AGPAT4: variants seen among roughly 807,000 people sequenced by gnomAD.
AGPAT4 encodes the protein 1-acylglycerol-3-phosphate O-acyltransferase 4, also known as 1-acyl-sn-glycerol-3-phosphate acyltransferase delta.
A neutral mutation model predicts 48.0 loss-of-function variants in AGPAT4; 15 were observed. The ratio of observed to expected loss-of-function variants is 0.31; its 90% confidence interval spans 0.21 to 0.48. The LOEUF (loss-of-function observed/expected upper bound fraction) is 0.48, where lower values mean the gene tolerates loss of function less well. AGPAT4 is among the 20% of genes least tolerant of loss of function. AGPAT4 has a pLI of 0.99. For synonymous variants in AGPAT4, 178 were observed against 198.7 expected, an observed-to-expected ratio of 0.90 and a Z score of 0.88; for missense variants, 314 against 482.5, an observed-to-expected ratio of 0.65 and a Z score of 3.27.
chr6:161,211,589 A>T (rs12194217), intron 2 of AGPAT4, among the ~76,000 whole-genome samples: 15,475 of 152,266 alleles, frequency 0.1, 819 homozygotes, highest in Non-Finnish European at 0.12. Flanking sequence ...AAGTCCAAGC[A>T]TGTCATGAAC....
At chr6:161,230,593 C>T (rs1018846011) in intron 2 of AGPAT4, among the ~76,000 whole-genome samples, 2 of 152,232 alleles carry the variant, frequency 1.3e-5, no homozygotes, top group Non-Finnish European at 2.9e-5. Flanking sequence ...CTCCTACTGT[C>T]TCTGCCCTGT....
rs1199604136 is a variant in AGPAT4, at chr6:161,184,506, G to A, written c.179-18089C>T. On this transcript the variant is annotated intron_variant, in intron 2 of 8. Transcript: ENST00000320285. The surrounding 1 kb of genome is among the most constrained non-coding windows in gnomAD (Gnocchi z 4.8). The stretch of plus-strand genomic sequence containing the variant: ...GGGTTTGAACACATCAGTCATCCTT[G>A]GCTTAGTGGTAGGTTCTCGTGATGT... Among the ~76,000 whole-genome samples, 1 of 152,010 alleles carries A rather than the reference G, an allele frequency of 6.6e-6. No individual in the cohort carries two copies. The highest frequency in any genetic ancestry group is 6.5e-5 in the Admixed American group (1 of 15,270).
rs151094169 is a variant in AGPAT4, at chr6:161,214,763, C to T, written c.178+17273G>A. On this transcript the variant is annotated intron_variant, in intron 2 of 8. Transcript: ENST00000320285. This position sits in a 1 kb window ranked among gnomAD's most constrained non-coding sequence, Gnocchi z 5.4. The stretch of plus-strand genomic sequence containing the variant: ...TAGCCTGGGTGACAGAGGAAGACTC[C>T]GTCTCAAAATAAATAAATAAATAAA... Among the ~76,000 whole-genome samples the T allele has an allele frequency of 1.4e-3, 214 of 152,042 alleles. No individual in the cohort carries two copies. The highest frequency in any genetic ancestry group is 4.1e-3 in the African/African-American group (169 of 41,478).
At position 161,149,410 on chromosome 6, in the gene AGPAT4, T is replaced by C; in HGVS notation, c.665-121A>G. ...AACTGCTTATCTAGAAATGGTGTGG[T>C]CAGATTTCTTTCTTTCTATATGGTC... On this transcript the variant is annotated intron_variant, in intron 5 of 8. Transcript: ENST00000320285. This position sits in a 1 kb window ranked among gnomAD's most constrained non-coding sequence, Gnocchi z 6.5. 1 of 811,538 alleles carries C rather than the reference T, an allele frequency of 1.2e-6. No homozygotes were observed. Among genetic ancestry groups the C allele is most frequent in the Non-Finnish European group, 1.8e-6 (1 of 543,338 alleles). 50.3% of individuals were successfully genotyped at this position (811,538 alleles called of 1,614,324 possible). A position where few individuals can be genotyped will look rare whatever the true frequency, so the allele number is the denominator to read the frequency against.
intron 2 of AGPAT4, among the ~76,000 whole-genome samples, chr6:161,187,205 G>A (rs775869657): frequency 1.1e-4 from 17 of 152,144 alleles, no homozygotes; most frequent in African/African-American, 1.9e-4. Flanking sequence ...CCTTTTTCCC[G>A]GAACCTCTTG....
chr6:161,201,425 T>G lies in AGPAT4; in HGVS notation c.178+30611A>C, dbSNP rs1253006333. ...TGAGGTTAAAAATAGAACCTAGAAG[T>G]AAGAAAGTCATTTGTAAAAACCAGG... On this transcript the variant is annotated intron_variant, in intron 2 of 8. Coordinates refer to ENST00000320285, the MANE Select transcript of AGPAT4 (RefSeq NM_020133.3). The surrounding 1 kb of genome is among the most constrained non-coding windows in gnomAD (Gnocchi z 6.0). Among the ~76,000 whole-genome samples the G allele has an allele frequency of 1.3e-5, 2 of 152,184 alleles. No homozygotes were observed. Among genetic ancestry groups the G allele is most frequent in the Admixed American group, 1.3e-4 (2 of 15,278 alleles).
Position 161,154,016 on chromosome 6 carries a change from G to A in AGPAT4, c.510+133C>T. Reference sequence around the variant, plus strand: ...ACATACATCCCTGAGGTTATACACAGCCCTATGGTCACACACAGCCCTGGA... The same window carrying A: ...ACATACATCCCTGAGGTTATACACAACCCTATGGTCACACACAGCCCTGGA... On this transcript the variant is annotated intron_variant, in intron 4 of 8. Transcript: ENST00000320285. The surrounding 1 kb of genome is among the most constrained non-coding windows in gnomAD (Gnocchi z 7.8). 1.7e-6 allele frequency: 2 copies of A among 1,206,624 alleles called. No individual in the cohort carries two copies. The highest frequency in any genetic ancestry group is 2.6e-5 in the South Asian group (2 of 77,378). 74.7% of individuals were successfully genotyped at this position (1,206,624 alleles called of 1,614,324 possible). A position where few individuals can be genotyped will look rare whatever the true frequency, so the allele number is the denominator to read the frequency against.
Position 161,144,426 on chromosome 6 carries a change from A to G in AGPAT4, c.843+2098T>C, listed in dbSNP as rs2114956478. 6.6e-6 allele frequency among the ~76,000 whole-genome samples: 1 copy of G among 152,282 alleles called. No individual in the cohort carries two copies. Among genetic ancestry groups the G allele is most frequent in the East Asian group, 1.9e-4 (1 of 5,178 alleles). ...CTTTGAGAACCCTACCAAGTTGAAC[A>G]CTATCATTTAAATGTGAACATAGTT... On this transcript the variant is annotated intron_variant, in intron 7 of 8. Coordinates refer to ENST00000320285, the MANE Select transcript of AGPAT4 (RefSeq NM_020133.3). This position sits in a 1 kb window ranked among gnomAD's most constrained non-coding sequence, Gnocchi z 6.6.
rs959726173 is a variant in AGPAT4, at chr6:161,161,735, A to G, written c.348+4513T>C. 3.0e-5 allele frequency: 10 copies of G among 334,118 alleles called. No homozygotes were observed. The East Asian group carries it at 7.6e-4, about 25-fold the overall frequency. 20.7% of individuals were successfully genotyped at this position (334,118 alleles called of 1,614,324 possible). ...AGGCGGTGAAATAATGCTGTGTTGC[A>G]TGAACACGGTCTCCTAGAGAAACCA... On this transcript the variant is annotated intron_variant, in intron 3 of 8. Transcript: ENST00000320285. This position sits in a 1 kb window ranked among gnomAD's most constrained non-coding sequence, Gnocchi z 4.6.
At chr6:161,260,138 A>G (rs895156013) in intron 1 of AGPAT4, among the ~76,000 whole-genome samples, 2 of 152,082 alleles carry the variant, frequency 1.3e-5, no homozygotes, top group African/African-American at 4.8e-5. Context: ...AGGAAGACGG[A>G]GGGGCCATTA....
intron 2 of AGPAT4, among the ~76,000 whole-genome samples, chr6:161,213,907 A>C (rs73017403): frequency 0.038 from 5,822 of 152,272 alleles, 262 homozygotes; most frequent in East Asian, 0.22. Context: ...TCTCCAAAAA[A>C]ATTTTTTAAA....
Position 161,222,843 on chromosome 6 carries a change from G to A in AGPAT4, c.178+9193C>T, listed in dbSNP as rs1781869628. The stretch of plus-strand genomic sequence containing the variant: ...ATTTGCACGGTGGCCTCACGACACA[G>A]CAAGGCCATGATGACATTTGATAGG... On this transcript the variant is annotated intron_variant, in intron 2 of 8. Transcript: ENST00000320285. This position sits in a 1 kb window ranked among gnomAD's most constrained non-coding sequence, Gnocchi z 5.9. Among the ~76,000 whole-genome samples the A allele has an allele frequency of 6.6e-6, 1 of 152,144 alleles. No individual in the cohort carries two copies. The highest frequency in any genetic ancestry group is 1.5e-5 in the Non-Finnish European group (1 of 68,030).
chr6:161,247,981 CAAAAAAAAAAAAA>C (rs143168079), intron 1 of AGPAT4, among the ~76,000 whole-genome samples: 1 of 28,212 alleles, frequency 3.5e-5, no homozygotes, highest in South Asian at 1.5e-3. Context: ...GACTCTGTCT[CAAAAAAAAAAAAA>C]AAAAAAAAAA....
In AGPAT4 at chr6:161,144,270, C is replaced by G; in HGVS notation, c.843+2254G>C. On this transcript the variant is annotated intron_variant, in intron 7 of 8. Coordinates refer to ENST00000320285, the MANE Select transcript of AGPAT4 (RefSeq NM_020133.3). The surrounding 1 kb of genome is among the most constrained non-coding windows in gnomAD (Gnocchi z 6.6). ...AGAACTCGGTGTCGCCCCAGCCCTG[C>G]ACGGAGAGAGAAAGGGCCTGGACTC... 1 of 487,222 alleles carries G rather than the reference C, an allele frequency of 2.1e-6. No individual in the cohort carries two copies. The allele number at this position is 487,222 out of a possible 1,614,324, so 30.2% of individuals were successfully genotyped here. A position where few individuals can be genotyped will look rare whatever the true frequency, so the allele number is the denominator to read the frequency against.
rs1201375286 is a variant in AGPAT4, at chr6:161,222,793, G to A, written c.178+9243C>T. Among the ~76,000 whole-genome samples, 2 of 152,180 alleles carry A rather than the reference G, an allele frequency of 1.3e-5. No individual in the cohort carries two copies. Among genetic ancestry groups the A allele is most frequent in the African/African-American group, 4.8e-5 (2 of 41,424 alleles). On this transcript the variant is annotated intron_variant, in intron 2 of 8. Coordinates refer to ENST00000320285, the MANE Select transcript of AGPAT4 (RefSeq NM_020133.3). This position sits in a 1 kb window ranked among gnomAD's most constrained non-coding sequence, Gnocchi z 5.9. ...CCTGCCTGCTCTCCTGCAGGTGTCT[G>A]TGGATGCTTCCTCTGGCCTCATTCA...
rs986204201 is a variant in AGPAT4 at position 161,164,698 on chromosome 6, C to T, written c.348+1550G>A. On this transcript the variant is annotated intron_variant, in intron 3 of 8. Transcript: ENST00000320285. This position sits in a 1 kb window ranked among gnomAD's most constrained non-coding sequence, Gnocchi z 7.4. ...ATAATATCCTAAGGATTAGAAATTACGGAAATAAGGTGAACAGCACACGGA... is the reference window on the plus strand; with the variant it reads ...ATAATATCCTAAGGATTAGAAATTATGGAAATAAGGTGAACAGCACACGGA... 6.6e-6 allele frequency among the ~76,000 whole-genome samples: 1 copy of T among 152,098 alleles called. No homozygotes were observed. Among genetic ancestry groups the T allele is most frequent in the Non-Finnish European group, 1.5e-5 (1 of 68,024 alleles).
rs1340071535 is a variant in AGPAT4 at position 161,204,224 on chromosome 6, T to C, written c.178+27812A>G. ...TTAGTAAGTGTACATAAAAGGGATT[T>C]GTGTGTTTATTAATAATTTTGTCTA... is the stretch of plus-strand genomic sequence containing the variant. On this transcript the variant is annotated intron_variant, in intron 2 of 8. Transcript: ENST00000320285. The surrounding 1 kb of genome is among the most constrained non-coding windows in gnomAD (Gnocchi z 4.4). Among the ~76,000 whole-genome samples, 1 of 152,188 alleles carries C rather than the reference T, an allele frequency of 6.6e-6. No homozygotes were observed. Among genetic ancestry groups the C allele is most frequent in the Non-Finnish European group, 1.5e-5 (1 of 68,046 alleles).
At chr6:161,205,991 T>C (rs1426312659) in intron 2 of AGPAT4, among the ~76,000 whole-genome samples, 1 of 152,028 alleles carries the variant, frequency 6.6e-6, no homozygotes, top group Admixed American at 6.6e-5. Context: ...GCAGACCAGC[T>C]AGGGCACACC....
At position 161,131,522 on chromosome 6, in the gene AGPAT4, C is replaced by T. The variant is rs1014864411; in HGVS notation, c.*5018G>A. The T allele has an allele frequency of 2.0e-5, 3 of 152,710 alleles. No individual in the cohort carries two copies. The highest frequency in any genetic ancestry group is 6.5e-5 in the Admixed American group (1 of 15,338). 9.5% of individuals were successfully genotyped at this position (152,710 alleles called of 1,614,324 possible). On this transcript the variant is annotated 3_prime_UTR_variant, in exon 9 of 9. Transcript: ENST00000320285. ...CTAATTGAAATTCCATTACTCAGGC[C>T]TCTAGTAAGTGCCCCCTTCATGTAG...
Sources: allele counts gnomAD v4.1 joint callset (sites outside exome capture counted in the v4.1 genomes callset), GRCh38; gene constraint gnomAD v4.1.1; non-coding constraint Gnocchi (gnomAD v3.1); transcripts MANE v1.5; gene names NCBI Gene and HGNC (gene_info 2026-07-23, HGNC 2026-07-21).